CNTN5: variants seen among roughly 807,000 people sequenced by gnomAD.
CNTN5 encodes the protein contactin 5.
Under a neutral mutation model 129.1 loss-of-function variants are expected in CNTN5, and 77 were observed. The observed-to-expected ratio is 0.60, with a 90% CI of 0.50 to 0.72. CNTN5 has a LOEUF of 0.72. CNTN5 is among the 30% of genes least tolerant of loss of function. CNTN5 has a pLI of 0.00. For synonymous variants in CNTN5, 509 were observed against 465.6 expected (o/e 1.09, Z -1.20); for missense variants, 1,478 against 1,328.8 (o/e 1.11, Z -1.75).
intron 7 of CNTN5, among the ~76,000 whole-genome samples, chr11:99,925,136 C>T (rs1030721249): frequency 1.3e-5 from 2 of 152,152 alleles, no homozygotes; most frequent in African/African-American, 4.8e-5. Context: ...TACTATCACT[C>T]CTCCAGTTAT....
At chr11:99,200,163 T>C (rs1859100380) in intron 1 of CNTN5, among the ~76,000 whole-genome samples, 1 of 152,218 alleles carries the variant, frequency 6.6e-6, no homozygotes. Context: ...AGATTTTTTC[T>C]ATAAAAGATC....
At chr11:99,431,991 G>T (rs185824723) in intron 2 of CNTN5, among the ~76,000 whole-genome samples, 9 of 152,234 alleles carry the variant, frequency 5.9e-5, no homozygotes, top group East Asian at 1.9e-4. Flanking sequence ...AGGAGCAGGT[G>T]GGGGGATAGT....
At chr11:99,586,326 ACT>A (rs1292047603) in intron 3 of CNTN5, among the ~76,000 whole-genome samples, 1 of 151,952 alleles carries the variant, frequency 6.6e-6, no homozygotes, top group Non-Finnish European at 1.5e-5. Flanking sequence ...AACTGACATA[ACT>A]CAGCATAATA....
At chr11:99,296,862 G>A (rs924333647) in intron 1 of CNTN5, among the ~76,000 whole-genome samples, 1 of 152,162 alleles carries the variant, frequency 6.6e-6, no homozygotes, top group Non-Finnish European at 1.5e-5. Flanking sequence ...TTTACCAAAG[G>A]TAACCTCCCA....
At chr11:100,069,339 A>G (rs1281275306) in intron 10 of CNTN5, among the ~76,000 whole-genome samples, 1 of 151,358 alleles carries the variant, frequency 6.6e-6, no homozygotes, top group African/African-American at 2.4e-5. Context: ...TTTTATTTTT[A>G]GTAGAGACAA....
intron 2 of CNTN5, among the ~76,000 whole-genome samples, chr11:99,371,460 T>A (rs1939819444): frequency 6.6e-6 from 1 of 152,122 alleles, no homozygotes; most frequent in Admixed American, 6.5e-5. Context: ...GTAAGTTAGA[T>A]CTGAGGGTTT....
At chr11:100,114,352 G>A (rs1050753570) in intron 13 of CNTN5, among the ~76,000 whole-genome samples, 2 of 152,048 alleles carry the variant, frequency 1.3e-5, no homozygotes, top group African/African-American at 4.8e-5. Context: ...TTTTTAATCA[G>A]TATTTGGATC....
In CNTN5 at chr11:99,904,135, T is replaced by C. The variant is rs188578430; in HGVS notation, c.578-11919T>C. Among the ~76,000 whole-genome samples, 5 of 152,334 alleles carry C rather than the reference T, an allele frequency of 3.3e-5. No homozygotes were observed. The East Asian group carries it at 9.6e-4, about 29-fold the overall frequency. ...TATAGATAATTTTGTATCTTATATA[T>C]GCTTTTTATTATACGTTAAGTTCTT... On this transcript the variant is annotated intron_variant, in intron 6 of 24. Coordinates refer to ENST00000524871, the MANE Select transcript of CNTN5 (RefSeq NM_014361.4).
chr11:100,258,001 G>A (rs1395207658), intron 17 of CNTN5, among the ~76,000 whole-genome samples: 6 of 152,100 alleles, frequency 3.9e-5, no homozygotes, highest in Non-Finnish European at 5.9e-5. Flanking sequence ...AGCTAAAGGA[G>A]CATGTTCTAA....
chr11:100,172,258 C>A (rs553652388), intron 13 of CNTN5, among the ~76,000 whole-genome samples: 1 of 150,178 alleles, frequency 6.7e-6, no homozygotes, highest in African/African-American at 2.4e-5. Context: ...TCATCATGAA[C>A]CTTCATGGGG....
At chr11:99,309,483 G>T (rs1222952806) in intron 1 of CNTN5, among the ~76,000 whole-genome samples, 1 of 152,178 alleles carries the variant, frequency 6.6e-6, no homozygotes, top group Admixed American at 6.5e-5. Context: ...TTCTTCACTT[G>T]CTTTCTGCCT....
intron 3 of CNTN5, among the ~76,000 whole-genome samples, chr11:99,767,937 G>T (rs1374652591): frequency 1.3e-5 from 2 of 151,998 alleles, no homozygotes; most frequent in African/African-American, 4.8e-5. Flanking sequence ...TACTCACGTA[G>T]CTCAGGGATC....
At chr11:99,818,911 CA>C (rs1946681704) in intron 3 of CNTN5, among the ~76,000 whole-genome samples, 1 of 152,006 alleles carries the variant, frequency 6.6e-6, no homozygotes, top group African/African-American at 2.4e-5. Flanking sequence ...AAATTTCATT[CA>C]TTTTTTTATG....
At chr11:99,138,601 C>T (rs527940391) in intron 1 of CNTN5, among the ~76,000 whole-genome samples, 13 of 152,162 alleles carry the variant, frequency 8.5e-5, no homozygotes, top group East Asian at 3.9e-4. Flanking sequence ...CTTAATTAAT[C>T]GATTATGCAT....
Position 99,878,380 on chromosome 11 carries a change from C to G in CNTN5, c.577+33118C>G, listed in dbSNP as rs144409176. Among the ~76,000 whole-genome samples, 971 of 152,224 alleles carry G rather than the reference C, an allele frequency of 6.4e-3. 11 individuals carry two copies. The highest frequency in any genetic ancestry group is 0.022 in the African/African-American group (922 of 41,534). ...CTACTAATGGCATGTGAGAGAAGGA[C>G]TGAAGTGGGGATAAATAGTTATTGT... On this transcript the variant is annotated intron_variant, in intron 6 of 24. Transcript: ENST00000524871.
At chr11:99,112,482 G>A (rs543647524) in intron 1 of CNTN5, among the ~76,000 whole-genome samples, 5 of 152,010 alleles carry the variant, frequency 3.3e-5, no homozygotes, top group South Asian at 2.1e-4. Context: ...ATTTTAATAC[G>A]AGTTTTCTAT....
At chr11:99,170,618 A>G (rs1591307875) in intron 1 of CNTN5, among the ~76,000 whole-genome samples, 1 of 152,354 alleles carries the variant, frequency 6.6e-6, no homozygotes, top group African/African-American at 2.4e-5. Flanking sequence ...GAAAAATAAC[A>G]TTTAAAACAG....
At chr11:99,882,461 C>T (rs955474738) in intron 6 of CNTN5, among the ~76,000 whole-genome samples, 16 of 152,074 alleles carry the variant, frequency 1.1e-4, no homozygotes, top group African/African-American at 3.4e-4. Flanking sequence ...GTCAGTTATA[C>T]ATTCAGTAGC....
intron 2 of CNTN5, among the ~76,000 whole-genome samples, chr11:99,443,186 A>G (rs1245311514): frequency 6.6e-6 from 1 of 152,220 alleles, no homozygotes; most frequent in Non-Finnish European, 1.5e-5. Context: ...TGAATAAAAG[A>G]CTGTCTGGAT....
Sources: allele counts gnomAD v4.1 joint callset (sites outside exome capture counted in the v4.1 genomes callset), GRCh38; gene constraint gnomAD v4.1.1; transcripts MANE v1.5; gene names NCBI Gene and HGNC (gene_info 2026-07-23, HGNC 2026-07-21).